SHISA6: variants seen among roughly 807,000 people sequenced by gnomAD.
SHISA6 encodes the protein protein shisa-6.
SHISA6 carries 22 observed loss-of-function variants against 47.9 expected under a neutral mutation model. The observed-to-expected ratio is 0.46, with a 90% CI of 0.33 to 0.66. The LOEUF (loss-of-function observed/expected upper bound fraction) is 0.66, where lower values mean the gene tolerates loss of function less well. Ranked by LOEUF, SHISA6 falls within the 30% of genes least tolerant of loss-of-function variation. The probability of loss-of-function intolerance (pLI) is 0.02; values close to 1 mark genes in which losing one functional copy is unlikely to be tolerated. For synonymous variants in SHISA6, 388 were observed against 337.8 expected, an observed-to-expected ratio of 1.15 and a Z score of -1.63; for missense variants, 680 against 764.6, an observed-to-expected ratio of 0.89 and a Z score of 1.30.
chr17:11,479,077 A>G (rs1916147901), intron 3 of SHISA6, among the ~76,000 whole-genome samples: 1 of 151,744 alleles, frequency 6.6e-6, no homozygotes, highest in Non-Finnish European at 1.5e-5. Flanking sequence ...TTTTTTAAAA[A>G]CCTTTTTTTT....
At chr17:11,391,391 G>A (rs762900481) in intron 3 of SHISA6, among the ~76,000 whole-genome samples, 1 of 152,176 alleles carries the variant, frequency 6.6e-6, no homozygotes, top group Non-Finnish European at 1.5e-5. Context: ...AAAAATGTGA[G>A]CTGAGTTAAA....
rs578244343 is a variant in SHISA6, at chr17:11,512,649, C to CA, written c.896-39241dup. On this transcript the variant is annotated intron_variant, in intron 3 of 5. Coordinates refer to ENST00000441885, the MANE Select transcript of SHISA6 (RefSeq NM_207386.4). ...GACAAATTAGAAAATGTAAATTAGC[C>CA]AAAAAAGCAAGTAAAAATGTCAATA... 3.7e-3 allele frequency among the ~76,000 whole-genome samples: 558 copies of CA among 151,774 alleles called. 2 individuals are homozygous for CA. Among genetic ancestry groups the CA allele is most frequent in the Middle Eastern group, 0.024 (7 of 294 alleles).
intron 3 of SHISA6, among the ~76,000 whole-genome samples, chr17:11,445,507 G>A (rs1915203663): frequency 6.6e-6 from 1 of 152,212 alleles, no homozygotes; most frequent in Non-Finnish European, 1.5e-5. Flanking sequence ...TATTAGTCAA[G>A]TATATTAAAT....
At chr17:11,457,301 G>A (rs1443019323) in intron 3 of SHISA6, among the ~76,000 whole-genome samples, 1 of 152,122 alleles carries the variant, frequency 6.6e-6, no homozygotes, top group African/African-American at 2.4e-5. Context: ...TCAATCCTCA[G>A]TCTTCCCGAG....
chr17:11,455,767 C>T (rs570839972), intron 3 of SHISA6, among the ~76,000 whole-genome samples: 90 of 152,292 alleles, frequency 5.9e-4, no homozygotes, highest in Admixed American at 4.6e-4. Context: ...CAGGGCACTA[C>T]GCTGGGTACT....
chr17:11,467,443 T>A (rs1915837155), intron 3 of SHISA6, among the ~76,000 whole-genome samples: 1 of 152,226 alleles, frequency 6.6e-6, no homozygotes, highest in Non-Finnish European at 1.5e-5. Context: ...TGTCATATTT[T>A]TCTCTCTTCT....
At chr17:11,274,729 A>G (rs1908816294) in intron 2 of SHISA6, among the ~76,000 whole-genome samples, 1 of 152,188 alleles carries the variant, frequency 6.6e-6, no homozygotes, top group South Asian at 2.1e-4. Flanking sequence ...GGTGGATTAG[A>G]CACAGTCCTG....
intron 3 of SHISA6, among the ~76,000 whole-genome samples, chr17:11,422,847 A>G (rs1914489094): frequency 6.6e-6 from 1 of 152,002 alleles, no homozygotes; most frequent in Non-Finnish European, 1.5e-5. Context: ...ACAGGAAAAC[A>G]TGGCCAAGGG....
chr17:11,529,831 TA>T (rs1200282792), intron 3 of SHISA6, among the ~76,000 whole-genome samples: 2 of 152,088 alleles, frequency 1.3e-5, no homozygotes, highest in Non-Finnish European at 2.9e-5. Context: ...ATTACCCTAA[TA>T]GGGGAAAAAT....
chr17:11,394,781 ATTTTAACACATTTGG>A (rs1168448731), intron 3 of SHISA6, among the ~76,000 whole-genome samples: 1 of 152,066 alleles, frequency 6.6e-6, no homozygotes, highest in East Asian at 1.9e-4. Context: ...AAATTTTAAC[ATTTTAACACATTTGG>A]TTTATCATTT....
At chr17:11,351,645 G>A (rs913827792) in intron 2 of SHISA6, among the ~76,000 whole-genome samples, 1 of 152,190 alleles carries the variant, frequency 6.6e-6, no homozygotes, top group African/African-American at 2.4e-5. Context: ...ATTTGTATTA[G>A]TCTGTGAGAT....
chr17:11,398,904 T>A (rs1913669696), intron 3 of SHISA6, among the ~76,000 whole-genome samples: 1 of 152,130 alleles, frequency 6.6e-6, no homozygotes, highest in Admixed American at 6.5e-5. Context: ...ATAGTACTTT[T>A]GATCATTCTT....
chr17:11,525,209 A>T (rs1342797265), intron 3 of SHISA6, among the ~76,000 whole-genome samples: 1 of 152,214 alleles, frequency 6.6e-6, no homozygotes, highest in Admixed American at 6.5e-5. Flanking sequence ...CCATTCCAAC[A>T]GCCAGCCAGA....
rs1912935761 is a variant in SHISA6, at chr17:11,379,471, C to T, written c.857C>T (p.Ser286Leu). 4 of 1,542,670 alleles carry T rather than the reference C, an allele frequency of 2.6e-6. No individual in the cohort carries two copies. Among genetic ancestry groups the T allele is most frequent in the Non-Finnish European group, 3.5e-6 (4 of 1,143,080 alleles). ...GGACCTGATCTCCATAACTTCATCT[C>T]ATCTGGATTTGTCACATTAGGAAGA... Reference protein sequence around the residue: ...SGGPDLHNFISSGFVTLGRGH... With the variant: ...SGGPDLHNFILSGFVTLGRGH... Residue 286 changes from serine to leucine, a missense_variant, in exon 3 of 6, where the codon TCA becomes TTA. Coordinates refer to ENST00000441885, the MANE Select transcript of SHISA6 (RefSeq NM_207386.4).
chr17:11,375,889 A>T (rs1427675618), intron 2 of SHISA6, among the ~76,000 whole-genome samples: 1 of 152,166 alleles, frequency 6.6e-6, no homozygotes, highest in Non-Finnish European at 1.5e-5. Context: ...CATCACCAGG[A>T]TGCTGATTTG....
chr17:11,445,931 G>A (rs1272525984), intron 3 of SHISA6, among the ~76,000 whole-genome samples: 2 of 152,184 alleles, frequency 1.3e-5, no homozygotes, highest in Admixed American at 6.5e-5. Flanking sequence ...GGGTTCAAGC[G>A]ATTCTCCTGC....
At chr17:11,519,860 T>G (rs917545046) in intron 3 of SHISA6, among the ~76,000 whole-genome samples, 1 of 152,120 alleles carries the variant, frequency 6.6e-6, no homozygotes, top group Admixed American at 6.6e-5. Context: ...AGCTGAAGCA[T>G]TCAGCTGTCC....
chr17:11,398,240 T>A (rs73975388), intron 3 of SHISA6, among the ~76,000 whole-genome samples: 7,088 of 152,260 alleles, frequency 0.047, 504 homozygotes, highest in African/African-American at 0.15. Context: ...AATTTATAGC[T>A]GTATATACTA....
intron 2 of SHISA6, among the ~76,000 whole-genome samples, chr17:11,273,840 A>G (rs1597433800): frequency 6.6e-6 from 1 of 152,322 alleles, no homozygotes; most frequent in East Asian, 1.9e-4. Flanking sequence ...TCTGTGACCC[A>G]GGGTCAGAGC....
Sources: gnomAD v4.1 joint callset for allele counts (sites outside exome capture counted in the v4.1 genomes callset) on GRCh38, gnomAD v4.1.1 for gene constraint, MANE v1.5 for transcripts, NCBI Gene and HGNC (gene_info 2026-07-23, HGNC 2026-07-21) for gene names.